The following NUP214 variants were observed in gnomAD, a reference collection of about 807,000 sequenced individuals.
The protein encoded by NUP214 is nucleoporin 214, also known as nuclear pore complex protein Nup214.
NUP214 carries 79 observed loss-of-function variants against 196.2 expected under a neutral mutation model. The observed-to-expected ratio is 0.40, with a 90% confidence interval of 0.34 to 0.49. NUP214 has a LOEUF of 0.49. NUP214 is among the 20% of genes least tolerant of loss of function. NUP214 has a pLI of 0.58. For missense variants in NUP214, 2,468 were observed against 2,539.0 expected (o/e 0.97, Z 0.60); for synonymous variants, 1,020 against 990.5 (o/e 1.03, Z -0.56).
At position 131,212,270 on chromosome 9, in the gene NUP214, A is replaced by C. The variant is rs573202926; in HGVS notation, c.5593-2942A>C. ...TCACTGATAATGCATGCCCAGTGGGACATGAAACTTCATCAGCAATTCTAA... is the reference window on the plus strand; with the variant it reads ...TCACTGATAATGCATGCCCAGTGGGCCATGAAACTTCATCAGCAATTCTAA... On this transcript the variant is annotated intron_variant, in intron 30 of 35. Coordinates refer to ENST00000359428, the MANE Select transcript of NUP214 (RefSeq NM_005085.4). Among the ~76,000 whole-genome samples, 3 of 152,316 alleles carry C rather than the reference A, an allele frequency of 2.0e-5. No individual in the cohort carries two copies. The South Asian group carries it at 6.2e-4, about 32-fold the overall frequency.
intron 9 of NUP214, 48 bp downstream of exon 9, chr9:131,136,054 T>C (rs1831717890): frequency 2.8e-6 from 4 of 1,449,610 alleles, no homozygotes; most frequent in Non-Finnish European, 3.9e-6. Context: ...TTTTAAATTA[T>C]TATTTTGAGA....
At chr9:131,200,931 TAGAA>T (rs1833922460) in intron 29 of NUP214, among the ~76,000 whole-genome samples, 1 of 151,730 alleles carries the variant, frequency 6.6e-6, no homozygotes, top group East Asian at 1.9e-4. Context: ...ATTAAGTCAT[TAGAA>T]AGAATTTCTG....
intron 11 of NUP214, among the ~76,000 whole-genome samples, chr9:131,142,332 C>G (rs1267040591): frequency 1.3e-5 from 2 of 152,230 alleles, no homozygotes; most frequent in Non-Finnish European, 2.9e-5. Context: ...GTTAGCCTTT[C>G]CTAGAGAAAC....
chr9:131,150,438 C>G (rs1303715676), intron 15 of NUP214, 28 bp downstream of exon 15: 3 of 1,609,050 alleles, frequency 1.9e-6, no homozygotes, highest in Non-Finnish European at 2.6e-6. Flanking sequence ...GGGTGTTTTT[C>G]TGAAAGTAGC....
At position 131,232,141 on chromosome 9, in the gene NUP214, AC is replaced by A; in HGVS notation, c.6215-141del. On this transcript the variant is annotated intron_variant, in intron 34 of 35. Transcript: ENST00000359428. The surrounding 1 kb of genome is among the most constrained non-coding windows in gnomAD (Gnocchi z 5.1). ...TCAGAATAAAGGGGCTTCTGTGTGT[AC>A]CTTTCCTGCCTTCCTGTAGGTGGTG... 1.3e-6 allele frequency: 1 copy of A among 791,588 alleles called. No homozygotes were observed. Among genetic ancestry groups the A allele is most frequent in the Non-Finnish European group, 2.2e-6 (1 of 446,510 alleles). The allele number at this position is 791,588 out of a possible 1,614,324, so 49.0% of individuals were successfully genotyped here.
chr9:131,164,198 T>C, intron 21 of NUP214, 54 bp downstream of exon 21: 1 of 1,537,368 alleles, frequency 6.5e-7, no homozygotes, highest in Non-Finnish European at 9.0e-7. Context: ...TGGTGGGGTG[T>C]GTGTGTGTGC....
chr9:131,163,216 G>A, intron 19 of NUP214, 43 bp downstream of exon 19: 1 of 1,559,476 alleles, frequency 6.4e-7, no homozygotes, highest in South Asian at 1.2e-5. Flanking sequence ...GTGAATGAAT[G>A]CATGAACATT....
chr9:131,197,533 A>G lies in NUP214; in HGVS notation c.4039A>G (p.Lys1347Glu), dbSNP rs1564204978. Residue 1347 changes from lysine (K) to glutamate (E), a missense_variant, in exon 29 of 36, where the codon AAA (lysine) becomes GAA (glutamate). By Grantham distance (56) the Lys-to-Glu change is moderately conservative (BLOSUM62 1). Coordinates refer to ENST00000359428, the MANE Select transcript of NUP214 (RefSeq NM_005085.4). ...LRVGQADDST[K>E]PTNKASSTSL... ...GGTTGGCCAAGCAGATGATTCTACA[A>G]AACCAACCAATAAGGCTTCATCCAC... 1 of 1,614,164 alleles carries G rather than the reference A, an allele frequency of 6.2e-7. No homozygotes were observed.
intron 18 of NUP214, among the ~76,000 whole-genome samples, chr9:131,161,796 C>T (rs4740219): frequency 0.97 from 147,572 of 152,298 alleles, 71,697 homozygotes; most frequent in East Asian, 1. Context: ...ATGATCATCA[C>T]AGAATGTGCT....
In NUP214 at chr9:131,198,804, T is replaced by C. The variant is rs113738295; in HGVS notation, c.5310T>C (p.Ser1770=). The part of the protein sequence containing the change: ...ASSTPTSTSG[S]VFGAASSTSS... ...CCACTCCCACATCCACCAGTGGAAG[T>C]GTCTTTGGTGCCGCCTCAAGTACCA... is the stretch of plus-strand genomic sequence containing the variant. Residue 1770 remains serine, a synonymous_variant, in exon 29 of 36, where the codon AGT becomes AGC. Transcript: ENST00000359428. The C allele has an allele frequency of 1.2e-6, 2 of 1,614,200 alleles. No individual in the cohort carries two copies. The highest frequency in any genetic ancestry group is 1.7e-6 in the Non-Finnish European group (2 of 1,180,026).
intron 32 of NUP214, among the ~76,000 whole-genome samples, chr9:131,225,302 C>G (rs1011517752): frequency 6.6e-6 from 1 of 152,074 alleles, no homozygotes; most frequent in African/African-American, 2.4e-5. Context: ...ACCTGTAGTC[C>G]CAGCTCCTCG....
rs1281333076 is a variant in NUP214, at chr9:131,139,401, A to C, written c.1126A>C (p.Thr376Pro). ...VVDYTNQVEI[T>P]ISDEKTLPPA... ...AGACTATACAAACCAAGTGGAAATC[A>C]CCATCAGTAAGTGTAGCCTGGTAGT... The change falls in exon 10 of 36, where the codon ACC (threonine) becomes CCC (proline). Residue 376 changes from threonine (T) to proline (P), a missense_variant. Physicochemically the swap from Thr to Pro is conservative, Grantham distance 38 (BLOSUM62 -1). Coordinates refer to ENST00000359428, the MANE Select transcript of NUP214 (RefSeq NM_005085.4). 8 of 1,604,566 alleles carry C rather than the reference A, an allele frequency of 5.0e-6. No individual in the cohort carries two copies. The highest frequency in any genetic ancestry group is 5.9e-6 in the Non-Finnish European group (7 of 1,177,044).
At chr9:131,192,382 A>C in intron 27 of NUP214, 90 bp downstream of exon 27, 1 of 777,026 alleles carries the variant, frequency 1.3e-6, no homozygotes, top group Non-Finnish European at 2.1e-6. Context: ...TACTTATTAA[A>C]TGTGTATGAA....
chr9:131,184,786 G>A (rs769197322), intron 24 of NUP214, among the ~76,000 whole-genome samples: 6 of 152,132 alleles, frequency 3.9e-5, no homozygotes, highest in Non-Finnish European at 5.9e-5. Flanking sequence ...TGTCTTTGAA[G>A]ACATTAAATT....
chr9:131,197,607 G>T lies in NUP214; in HGVS notation c.4113G>T (p.Gly1371=), dbSNP rs755413586. Residue 1371 remains glycine, a synonymous_variant, in exon 29 of 36, where the codon GGG becomes GGT. Coordinates refer to ENST00000359428, the MANE Select transcript of NUP214 (RefSeq NM_005085.4). ...QPTKTSGVPS[G]FNFTAPPVLG... ...CCAAGACGTCAGGCGTGCCCTCAGG[G>T]TTTAATTTTACTGCCCCCCCGGTGT... 2 of 1,614,136 alleles carry T rather than the reference G, an allele frequency of 1.2e-6. No homozygotes were observed. Among genetic ancestry groups the T allele is most frequent in the South Asian group, 2.2e-5 (2 of 91,080 alleles).
At position 131,133,133 on chromosome 9, in the gene NUP214, A is replaced by T; in HGVS notation, c.755A>T (p.Tyr252Phe). 8 of 1,611,020 alleles carry T rather than the reference A, an allele frequency of 5.0e-6. No homozygotes were observed. The highest frequency in any genetic ancestry group is 6.8e-6 in the Non-Finnish European group (8 of 1,179,084). ...CTGGATGTGCTGTGGATTGGTACCT[A>T]CGTCTTCGCCATAGTGTATGCTGCT... ...RVLDVLWIGT[Y>F]VFAIVYAAAD... The change falls in exon 7 of 36, where the codon TAC becomes TTC. Residue 252 changes from tyrosine (Y) to phenylalanine (F), a missense_variant. Tyr to Phe is a conservative substitution (Grantham distance 22, BLOSUM62 3). Around this residue, in one of 5 missense-constraint regions of NUP214, gnomAD observed 392 missense variants for 417.9 expected, o/e 0.94. Coordinates refer to ENST00000359428, the MANE Select transcript of NUP214 (RefSeq NM_005085.4).
chr9:131,212,418 A>G (rs995814389), intron 30 of NUP214, among the ~76,000 whole-genome samples: 1 of 152,062 alleles, frequency 6.6e-6, no homozygotes, highest in Non-Finnish European at 1.5e-5. Context: ...TGAAATCCAT[A>G]ATAACTTACT....
chr9:131,196,261 C>T (rs899983252), intron 28 of NUP214, among the ~76,000 whole-genome samples: 5 of 151,956 alleles, frequency 3.3e-5, no homozygotes, highest in Admixed American at 6.6e-5. Flanking sequence ...TGGGTTCCAG[C>T]GATTCTCCTG....
At chr9:131,192,047 G>A (rs1405706932) in intron 26 of NUP214, 161 bp from the exon 27 acceptor site, 5 of 481,336 alleles carry the variant, frequency 1.0e-5, no homozygotes, top group Non-Finnish European at 1.8e-5. Flanking sequence ...GTGAGGCAAC[G>A]TGCTCACTCC....
Sources: gnomAD v4.1 joint callset for allele counts (sites outside exome capture counted in the v4.1 genomes callset) on GRCh38, gnomAD v4.1.1 for gene constraint, gnomAD v4.1.1 regional missense constraint, Gnocchi (gnomAD v3.1) non-coding constraint, MANE v1.5 for transcripts, NCBI Gene and HGNC (gene_info 2026-07-23, HGNC 2026-07-21) for gene names.